Variants in CFAP210 observed in about 807,000 individuals in gnomAD.
The protein encoded by CFAP210 is cilia and flagella associated protein 210.
At chr2:169,681,137 C>T in the CFAP210 span, 1 of 1,613,910 alleles carries the variant, frequency 6.2e-7, no homozygotes, top group Non-Finnish European at 8.5e-7. Flanking sequence ...AATCCTTTTC[C>T]ACTCATCGTG....
chr2:169,674,986 C>A, the CFAP210 span: 3 of 1,542,342 alleles, frequency 1.9e-6, no homozygotes, highest in Non-Finnish European at 2.6e-6. Flanking sequence ...TGTCTTTCTG[C>A]CTCTATTTCT....
chr2:169,660,354 C>T, the CFAP210 span, among the ~76,000 whole-genome samples: 1 of 150,796 alleles, frequency 6.6e-6, no homozygotes, highest in African/African-American at 2.4e-5. Context: ...CACACCATTG[C>T]ACTCCAACCT....
At chr2:169,652,266 T>C in the CFAP210 span, among the ~76,000 whole-genome samples, 4 of 151,826 alleles carry the variant, frequency 2.6e-5, no homozygotes, top group African/African-American at 9.7e-5. Flanking sequence ...CAAAAGATAA[T>C]AAATGCCATG....
chr2:169,669,949 G>A, the CFAP210 span, among the ~76,000 whole-genome samples: 1 of 152,116 alleles, frequency 6.6e-6, no homozygotes, highest in Non-Finnish European at 1.5e-5. Context: ...ATTTAGGATG[G>A]CACTTACATC....
At chr2:169,689,884 C>T in the CFAP210 span, among the ~76,000 whole-genome samples, 1 of 152,146 alleles carries the variant, frequency 6.6e-6, no homozygotes, top group Non-Finnish European at 1.5e-5. Context: ...ACACAGTGTA[C>T]TACATTAATT....
At chr2:169,685,993 T>C in the CFAP210 span, among the ~76,000 whole-genome samples, 1 of 152,312 alleles carries the variant, frequency 6.6e-6, no homozygotes, top group Non-Finnish European at 1.5e-5. Context: ...CACCACAATC[T>C]CTTGGTGACT....
chr2:169,692,128 T>G, the CFAP210 span, among the ~76,000 whole-genome samples: 1 of 152,184 alleles, frequency 6.6e-6, no homozygotes, highest in Non-Finnish European at 1.5e-5. Flanking sequence ...CTTGGCCTTC[T>G]AGATTCCCAG....
the CFAP210 span, chr2:169,650,339 C>G: frequency 6.3e-7 from 1 of 1,587,212 alleles, no homozygotes; most frequent in Non-Finnish European, 8.5e-7. Flanking sequence ...CACAATGGCT[C>G]GATATTCTGC....
the CFAP210 span, among the ~76,000 whole-genome samples, chr2:169,682,611 A>G: frequency 6.6e-6 from 1 of 152,160 alleles, no homozygotes; most frequent in Non-Finnish European, 1.5e-5. Context: ...TTGCACTCTA[A>G]CTGTAAGGGT....
At chr2:169,647,730 C>A in the CFAP210 span, among the ~76,000 whole-genome samples, 11 of 152,010 alleles carry the variant, frequency 7.2e-5, 1 homozygote. Flanking sequence ...TTTTATACAT[C>A]AAAGATACTA....
chr2:169,692,007 T>C, the CFAP210 span, among the ~76,000 whole-genome samples: 2 of 152,230 alleles, frequency 1.3e-5, no homozygotes, highest in Admixed American at 6.5e-5. Context: ...GCAGGCAATT[T>C]ACAACTCCAT....
chr2:169,661,049 C>T, the CFAP210 span: 2 of 518,518 alleles, frequency 3.9e-6, no homozygotes, highest in Non-Finnish European at 3.9e-6. Context: ...GAAGCCTGTT[C>T]TTGCACTAGA....
chr2:169,653,933 A>G, the CFAP210 span: 1 of 855,646 alleles, frequency 1.2e-6, no homozygotes, highest in East Asian at 2.7e-5. Flanking sequence ...CCTCACACCC[A>G]CGTCCCAAAC....
the CFAP210 span, among the ~76,000 whole-genome samples, chr2:169,678,039 C>A: frequency 2.8e-4 from 43 of 151,994 alleles, no homozygotes; most frequent in African/African-American, 1.0e-3. Flanking sequence ...TAAAACACTG[C>A]TGACAGAAAT....
At chr2:169,646,158 G>T in the CFAP210 span, 2 of 1,611,368 alleles carry the variant, frequency 1.2e-6, no homozygotes, top group Non-Finnish European at 1.7e-6. Context: ...TGTTTTGCTT[G>T]CTTTGCATTA....
At chr2:169,666,672 A>G in the CFAP210 span, among the ~76,000 whole-genome samples, 8 of 152,020 alleles carry the variant, frequency 5.3e-5, no homozygotes, top group East Asian at 3.9e-4. Flanking sequence ...AGTTTGCCAT[A>G]TTCATTGACT....
At chr2:169,676,030 G>A in the CFAP210 span, among the ~76,000 whole-genome samples, 3 of 152,054 alleles carry the variant, frequency 2.0e-5, no homozygotes, top group South Asian at 2.1e-4. Context: ...TAGGTGTTTC[G>A]TCTGGCTGAA....
At chr2:169,649,172 G>T in the CFAP210 span, 2 of 1,586,962 alleles carry the variant, frequency 1.3e-6, no homozygotes, top group Non-Finnish European at 1.7e-6. Flanking sequence ...AAACATTCAG[G>T]AGTAATTACC....
the CFAP210 span, among the ~76,000 whole-genome samples, chr2:169,691,403 T>C: frequency 6.6e-6 from 1 of 152,216 alleles, no homozygotes; most frequent in East Asian, 1.9e-4. Context: ...AGTTTGTATC[T>C]AGTAAATCCA....
Sources: allele counts gnomAD v4.1 joint callset (sites outside exome capture counted in the v4.1 genomes callset), GRCh38; gene constraint gnomAD v4.1.1; transcripts MANE v1.5; gene names NCBI Gene and HGNC (gene_info 2026-07-23, HGNC 2026-07-21).